SLC24A3: variants seen among roughly 807,000 people sequenced by gnomAD.
SLC24A3 encodes the protein sodium/potassium/calcium exchanger 3.
A neutral mutation model predicts 75.8 loss-of-function variants in SLC24A3; 28 were observed. The observed-to-expected ratio is 0.37, with a 90% confidence interval of 0.27 to 0.51. The LOEUF is 0.51. SLC24A3 is among the 20% of genes least tolerant of loss of function. SLC24A3 has a pLI of 0.94. For synonymous variants in SLC24A3, 372 were observed against 334.1 expected (o/e 1.11, Z -1.24); for missense variants, 663 against 847.8 (o/e 0.78, Z 2.71).
rs1025840169 is a variant in SLC24A3 at position 19,591,925 on chromosome 20, C to G, written c.612+6381C>G. On this transcript the variant is annotated intron_variant, in intron 6 of 16. Transcript: ENST00000328041. ...AAGGGAAAAACTGCACACAGATGCA[C>G]TCTAGGTCTTGCTGTGGACATATGC... 2.6e-5 allele frequency among the ~76,000 whole-genome samples: 4 copies of G among 152,246 alleles called. 1 individual carries two copies. Among genetic ancestry groups the G allele is most frequent in the Non-Finnish European group, 5.9e-5 (4 of 68,048 alleles).
chr20:19,267,524 A>T (rs1032838278), intron 1 of SLC24A3, among the ~76,000 whole-genome samples: 10 of 152,190 alleles, frequency 6.6e-5, no homozygotes, highest in South Asian at 6.2e-4. Flanking sequence ...CCATTTTTTT[A>T]AAATAAAAGA....
intron 1 of SLC24A3, among the ~76,000 whole-genome samples, chr20:19,251,450 C>A (rs1982651286): frequency 6.6e-6 from 1 of 152,164 alleles, no homozygotes; most frequent in African/African-American, 2.4e-5. Context: ...CAGACAAGGA[C>A]TTGGGTGCAA....
At chr20:19,499,895 A>G (rs967418750) in intron 2 of SLC24A3, among the ~76,000 whole-genome samples, 1 of 152,170 alleles carries the variant, frequency 6.6e-6, no homozygotes, top group African/African-American at 2.4e-5. Flanking sequence ...GATTTCTTCA[A>G]TCATCCTCCA....
intron 2 of SLC24A3, among the ~76,000 whole-genome samples, chr20:19,399,848 G>A (rs1986518864): frequency 6.6e-6 from 1 of 152,194 alleles, no homozygotes; most frequent in Non-Finnish European, 1.5e-5. Context: ...AGGAAGTGTT[G>A]AAGTATCTTT....
At position 19,646,841 on chromosome 20, in the gene SLC24A3, C is replaced by CTGTGTGTGTGTGTG. The variant is rs74180956; in HGVS notation, c.613-7211_613-7210insTGTGTGTGTGTGTG. On this transcript the variant is annotated intron_variant, in intron 6 of 16. Transcript: ENST00000328041. ...GTTGTACTTTAAAAATTACAAAACT[C>CTGTGTGTGTGTGTG]TGTGTGTGTGCGTGTGTGTGTGTGT... Among the ~76,000 whole-genome samples the CTGTGTGTGTGTGTG allele has an allele frequency of 3.9e-3, 566 of 144,672 alleles. 4 individuals are homozygous for CTGTGTGTGTGTGTG. The highest frequency in any genetic ancestry group is 0.012 in the African/African-American group (484 of 39,388). The allele number at this position is 144,672 out of a possible 152,430, so 94.9% of individuals were successfully genotyped here.
Position 19,383,655 on chromosome 20 carries a change from G to A in SLC24A3, c.271+102568G>A, listed in dbSNP as rs190138910. Among the ~76,000 whole-genome samples, 358 of 152,256 alleles carry A rather than the reference G, an allele frequency of 2.4e-3. 5 individuals carry two copies. In the South Asian group the frequency reaches 0.028, roughly 12 times the overall value. The stretch of plus-strand genomic sequence containing the variant: ...ACTTTTGTCTTGGTCAGTTGGGGCT[G>A]CTATAACAAAATGCCATAGACTGGG... On this transcript the variant is annotated intron_variant, in intron 2 of 16. Transcript: ENST00000328041.
chr20:19,238,112 G>A (rs932765462), intron 1 of SLC24A3, among the ~76,000 whole-genome samples: 3 of 152,098 alleles, frequency 2.0e-5, no homozygotes, highest in Admixed American at 6.5e-5. Context: ...GACAGCAGCC[G>A]CCAAATTAAG....
At chr20:19,422,846 C>A (rs1361723899) in intron 2 of SLC24A3, among the ~76,000 whole-genome samples, 1 of 152,174 alleles carries the variant, frequency 6.6e-6, no homozygotes, top group Non-Finnish European at 1.5e-5. Flanking sequence ...GAAGAACGAG[C>A]CCCCATAGAA....
At chr20:19,465,200 T>C (rs28438043) in intron 2 of SLC24A3, among the ~76,000 whole-genome samples, 4,744 of 152,262 alleles carry the variant, frequency 0.031, 250 homozygotes, top group African/African-American at 0.11. Context: ...TAGCCAGCTC[T>C]CCTCGGCTCA....
intron 6 of SLC24A3, among the ~76,000 whole-genome samples, chr20:19,597,002 C>T (rs2031460473): frequency 6.6e-6 from 1 of 152,210 alleles, no homozygotes; most frequent in South Asian, 2.1e-4. Context: ...ATTCTGTGTT[C>T]CCTGAGCTCC....
intron 1 of SLC24A3, among the ~76,000 whole-genome samples, chr20:19,270,928 A>G (rs1983312036): frequency 6.6e-6 from 1 of 152,214 alleles, no homozygotes; most frequent in Non-Finnish European, 1.5e-5. Flanking sequence ...GGGGAAAGAC[A>G]TCAATAGGCA....
chr20:19,286,376 G>C (rs929564158), intron 2 of SLC24A3, among the ~76,000 whole-genome samples: 1 of 152,130 alleles, frequency 6.6e-6, no homozygotes, highest in Non-Finnish European at 1.5e-5. Context: ...GCACAGACCA[G>C]CAAGCAGAAA....
intron 2 of SLC24A3, among the ~76,000 whole-genome samples, chr20:19,473,166 G>A (rs555351485): frequency 2.0e-5 from 3 of 152,316 alleles, no homozygotes; most frequent in East Asian, 1.9e-4. Flanking sequence ...CCTGAGACTC[G>A]GAGGTTTAGG....
chr20:19,333,497 G>A (rs1035644996), intron 2 of SLC24A3, among the ~76,000 whole-genome samples: 1 of 152,160 alleles, frequency 6.6e-6, no homozygotes, highest in African/African-American at 2.4e-5. Context: ...CACCAAAGCG[G>A]TTTGTGGTAT....
chr20:19,294,715 T>G (rs1304672399), intron 2 of SLC24A3, among the ~76,000 whole-genome samples: 2 of 152,248 alleles, frequency 1.3e-5, no homozygotes, highest in Non-Finnish European at 2.9e-5. Context: ...ATTCCATGTC[T>G]TTGCTATTGT....
intron 2 of SLC24A3, among the ~76,000 whole-genome samples, chr20:19,489,207 A>G (rs1988171470): frequency 6.6e-6 from 1 of 152,096 alleles, no homozygotes; most frequent in Non-Finnish European, 1.5e-5. Flanking sequence ...GAATTGCTAG[A>G]CTCTCAATCC....
chr20:19,705,533 A>G (rs1223464513), intron 15 of SLC24A3, among the ~76,000 whole-genome samples: 1 of 152,188 alleles, frequency 6.6e-6, no homozygotes, highest in Non-Finnish European at 1.5e-5. Context: ...CTCCACCACA[A>G]GCTTTTCCTA....
chr20:19,600,603 T>C (rs1331137072), intron 6 of SLC24A3, among the ~76,000 whole-genome samples: 3 of 152,210 alleles, frequency 2.0e-5, no homozygotes, highest in African/African-American at 7.2e-5. Flanking sequence ...TAAATATTAG[T>C]CATATTGTAT....
Position 19,572,504 on chromosome 20 carries a change from G to A in SLC24A3, c.349-7496G>A, listed in dbSNP as rs191976336. On this transcript the variant is annotated intron_variant, in intron 3 of 16. Coordinates refer to ENST00000328041, the MANE Select transcript of SLC24A3 (RefSeq NM_020689.4). ...ATATGCCAACTCTCAACATTTGAGG[G>A]CTCCCATGGGTGTTAATTTTCAAGC... is the stretch of plus-strand genomic sequence containing the variant. 5.1e-3 allele frequency among the ~76,000 whole-genome samples: 773 copies of A among 152,290 alleles called. 5 individuals carry two copies. The highest frequency in any genetic ancestry group is 0.014 in the Middle Eastern group (4 of 294).
Sources: allele counts gnomAD v4.1 joint callset (sites outside exome capture counted in the v4.1 genomes callset), GRCh38; gene constraint gnomAD v4.1.1; transcripts MANE v1.5; gene names NCBI Gene and HGNC (gene_info 2026-07-23, HGNC 2026-07-21).